Variants in EXOC4 observed in about 807,000 individuals in gnomAD.
The protein encoded by EXOC4 is SEC8-like 1.
EXOC4 carries 71 observed loss-of-function variants against 107.2 expected under a neutral mutation model. The observed-to-expected ratio is 0.66, with a 90% CI of 0.55 to 0.81. The LOEUF (loss-of-function observed/expected upper bound fraction) is 0.81. Among genes scored for constraint, EXOC4 ranks in the 30% least tolerant of loss-of-function variants. The pLI is 0.00. For synonymous variants in EXOC4, 456 were observed against 441.2 expected (o/e 1.03, Z -0.42); for missense variants, 1,108 against 1,189.6 (o/e 0.93, Z 1.01).
At chr7:133,865,839 A>G (rs1174096912) in intron 11 of EXOC4, among the ~76,000 whole-genome samples, 1 of 152,210 alleles carries the variant, frequency 6.6e-6, no homozygotes, top group African/African-American at 2.4e-5. Flanking sequence ...ATCACCTCTC[A>G]CCAAGCCCCT....
At chr7:133,878,199 T>C (rs1040577294) in intron 11 of EXOC4, among the ~76,000 whole-genome samples, 32 of 152,234 alleles carry the variant, frequency 2.1e-4, no homozygotes, top group African/African-American at 7.7e-4. Flanking sequence ...ATATTTCTAA[T>C]ATGTAGTCAA....
At chr7:133,757,809 C>T (rs1032881152) in intron 10 of EXOC4, among the ~76,000 whole-genome samples, 1 of 152,152 alleles carries the variant, frequency 6.6e-6, no homozygotes, top group Admixed American at 6.6e-5. Context: ...CCCCTTAACA[C>T]GCCTATGAGA....
chr7:133,850,103 C>A (rs891814523), intron 11 of EXOC4, among the ~76,000 whole-genome samples: 3 of 152,162 alleles, frequency 2.0e-5, no homozygotes, highest in African/African-American at 7.2e-5. Context: ...TCTAAACCAA[C>A]AAAACACTGC....
At chr7:133,685,820 A>T (rs954151391) in intron 10 of EXOC4, among the ~76,000 whole-genome samples, 25 of 152,160 alleles carry the variant, frequency 1.6e-4, no homozygotes, top group African/African-American at 5.8e-4. Context: ...GTCTTTTAGT[A>T]TAGTGATCAC....
intron 11 of EXOC4, among the ~76,000 whole-genome samples, chr7:133,888,518 T>G (rs200345710): frequency 6.6e-6 from 1 of 152,230 alleles, no homozygotes; most frequent in East Asian, 1.9e-4. Context: ...AACAACTCAG[T>G]CTTTTCTTAA....
chr7:133,307,268 C>G (rs928100801), intron 4 of EXOC4, among the ~76,000 whole-genome samples: 1 of 152,156 alleles, frequency 6.6e-6, no homozygotes, highest in Non-Finnish European at 1.5e-5. Flanking sequence ...AAACTTCTGC[C>G]AGGCACACAG....
chr7:133,961,361 A>G (rs1020051896), intron 14 of EXOC4, among the ~76,000 whole-genome samples: 6 of 126,748 alleles, frequency 4.7e-5, no homozygotes, highest in African/African-American at 1.8e-4. Flanking sequence ...ATTTCGGCTC[A>G]CTGCAACCTC....
chr7:133,416,514 C>T (rs566836336), intron 7 of EXOC4, among the ~76,000 whole-genome samples: 84 of 152,246 alleles, frequency 5.5e-4, no homozygotes, highest in Non-Finnish European at 1.1e-3. Context: ...AGAATATAGT[C>T]AGATGCATAA....
intron 7 of EXOC4, among the ~76,000 whole-genome samples, chr7:133,375,226 A>T (rs1796463104): frequency 6.6e-6 from 1 of 152,220 alleles, no homozygotes; most frequent in Non-Finnish European, 1.5e-5. Context: ...CTGTAATCCC[A>T]GTACTTTGGG....
intron 13 of EXOC4, among the ~76,000 whole-genome samples, chr7:133,928,604 C>T (rs1436394458): frequency 2.0e-5 from 3 of 152,198 alleles, no homozygotes; most frequent in East Asian, 1.9e-4. Context: ...ACCCTCCTCC[C>T]GCTCCACGCT....
chr7:133,606,517 A>AT (rs56086076), intron 9 of EXOC4, among the ~76,000 whole-genome samples: 12,581 of 136,824 alleles, frequency 0.092, 748 homozygotes, highest in South Asian at 0.15. Flanking sequence ...TATTATTATT[A>AT]TTTTTTTTTT....
chr7:133,699,107 C>T (rs534647280), intron 10 of EXOC4, among the ~76,000 whole-genome samples: 49 of 152,142 alleles, frequency 3.2e-4, no homozygotes, highest in Non-Finnish European at 4.7e-4. Flanking sequence ...GAGGATAGTT[C>T]GAAATCTTAA....
intron 10 of EXOC4, among the ~76,000 whole-genome samples, chr7:133,670,726 T>C (rs1793926797): frequency 6.6e-6 from 1 of 152,152 alleles, no homozygotes; most frequent in African/African-American, 2.4e-5. Flanking sequence ...AGGTGACAGA[T>C]TTGGAGAACA....
At chr7:133,318,244 A>G (rs1294600557) in intron 5 of EXOC4, among the ~76,000 whole-genome samples, 2 of 152,194 alleles carry the variant, frequency 1.3e-5, no homozygotes, top group Non-Finnish European at 2.9e-5. Flanking sequence ...CCAATATCCT[A>G]TTGAATAAGA....
intron 9 of EXOC4, among the ~76,000 whole-genome samples, chr7:133,499,141 G>A (rs1290878576): frequency 3.3e-5 from 5 of 150,378 alleles, no homozygotes; most frequent in Admixed American, 6.6e-5. Flanking sequence ...CCCCAGACCA[G>A]GTCAACTTCC....
At chr7:133,333,165 A>G (rs536675622) in intron 5 of EXOC4, among the ~76,000 whole-genome samples, 1 of 152,298 alleles carries the variant, frequency 6.6e-6, no homozygotes, top group South Asian at 2.1e-4. Context: ...GTATTTCTAT[A>G]TTCATTAATT....
intron 14 of EXOC4, among the ~76,000 whole-genome samples, chr7:133,969,375 T>G (rs1163788545): frequency 6.6e-6 from 1 of 152,200 alleles, no homozygotes; most frequent in Non-Finnish European, 1.5e-5. Context: ...TCCAGTTTTG[T>G]TCCCTTGCTG....
At chr7:133,745,061 C>G (rs1795645387) in intron 10 of EXOC4, among the ~76,000 whole-genome samples, 1 of 152,142 alleles carries the variant, frequency 6.6e-6, no homozygotes, top group Non-Finnish European at 1.5e-5. Flanking sequence ...TTTGAAAGTT[C>G]ACTTTTTCTC....
intron 10 of EXOC4, among the ~76,000 whole-genome samples, chr7:133,804,790 T>A (rs1797033622): frequency 6.6e-6 from 1 of 152,190 alleles, no homozygotes; most frequent in South Asian, 2.1e-4. Flanking sequence ...GCCTTAAAAA[T>A]TCCTCATTGA....
Sources: allele counts gnomAD v4.1 joint callset (sites outside exome capture counted in the v4.1 genomes callset), GRCh38; gene constraint gnomAD v4.1.1; transcripts MANE v1.5; gene names NCBI Gene and HGNC (gene_info 2026-07-23, HGNC 2026-07-21).